The following KATNAL2 variants were observed in gnomAD, a reference collection of about 807,000 sequenced individuals.
The protein encoded by KATNAL2 is katanin p60 ATPase-containing subunit A-like 2.
In KATNAL2, 52 loss-of-function variants were observed where a neutral mutation model predicts 76.3. The ratio of observed to expected loss-of-function variants is 0.68; its 90% confidence interval spans 0.55 to 0.86. The LOEUF (loss-of-function observed/expected upper bound fraction) is 0.86, where lower values mean the gene tolerates loss of function less well. KATNAL2 is among the 40% of genes least tolerant of loss of function. KATNAL2 has a pLI of 0.00. For missense variants in KATNAL2, 660 were observed against 668.9 expected (o/e 0.99, Z 0.15); for synonymous variants, 243 against 244.2 (o/e 1.00, Z 0.05).
chr18:47,036,167 A>G (rs1408371170), intron 3 of KATNAL2, among the ~76,000 whole-genome samples: 2 of 152,192 alleles, frequency 1.3e-5, no homozygotes, highest in African/African-American at 2.4e-5. Flanking sequence ...GGAAATAAAT[A>G]GAAGTCAGCA....
intron 3 of KATNAL2, among the ~76,000 whole-genome samples, chr18:46,961,829 C>A (rs921168798): frequency 1.3e-5 from 2 of 152,120 alleles, no homozygotes; most frequent in African/African-American, 2.4e-5. Context: ...GTAAAAAAGT[C>A]AAAACACTGC....
In KATNAL2 at chr18:47,052,927, T is replaced by TA. The variant is rs1476636811; in HGVS notation, c.171dup (p.Arg58ThrfsTer4). The TA allele has an allele frequency of 3.9e-5, 63 of 1,612,528 alleles. No individual in the cohort carries two copies. Among genetic ancestry groups the TA allele is most frequent in the Non-Finnish European group, 5.3e-5 (63 of 1,179,414 alleles). ...TTGGAGCAAGAAACTAAACTGGGGT[T>TA]ACGACGGTTTGAAGTTTGTGACAAC... On this transcript the variant is annotated frameshift_variant, in exon 5 of 18. Coordinates refer to ENST00000683218, the MANE Select transcript of KATNAL2 (RefSeq NM_001387690.1). LOFTEE classifies it high-confidence loss of function.
rs576665413 is a variant in KATNAL2 at position 47,100,148 on chromosome 18, A to T, written c.1375-106A>T. 40 of 727,832 alleles carry T rather than the reference A, an allele frequency of 5.5e-5. No homozygotes were observed. The East Asian group carries it at 8.9e-4, about 16-fold the overall frequency. The allele number at this position is 727,832 out of a possible 1,614,324, so 45.1% of individuals were successfully genotyped here. On this transcript the variant is annotated intron_variant, in intron 16 of 17. Transcript: ENST00000683218. ...TTTTTAGGATGTTCATGGGTGACAG[A>T]TACAGAATCTACACAGGGCTTCTGA...
intron 15 of KATNAL2, among the ~76,000 whole-genome samples, chr18:47,082,919 TTAACA>T (rs1481500282): frequency 1.3e-5 from 2 of 152,208 alleles, no homozygotes; most frequent in Non-Finnish European, 2.9e-5. Context: ...CTTTCATTAC[TTAACA>T]TGACAGCAAG....
chr18:47,084,582 C>T (rs1239284403), intron 15 of KATNAL2: 23 of 584,498 alleles, frequency 3.9e-5, no homozygotes, highest in Non-Finnish European at 1.2e-5. Context: ...GGTGCAGTGG[C>T]TCATGCCTGT....
At chr18:46,951,005 G>C (rs548645505) in intron 3 of KATNAL2, among the ~76,000 whole-genome samples, 1 of 152,176 alleles carries the variant, frequency 6.6e-6, no homozygotes, top group African/African-American at 2.4e-5. Flanking sequence ...CCTGAAGCTT[G>C]ATTTTTCATT....
At position 46,917,615 on chromosome 18, in the gene KATNAL2, A is replaced by G; in HGVS notation, c.-821A>G. 2.1e-6 allele frequency: 2 copies of G among 963,072 alleles called. No homozygotes were observed. Among genetic ancestry groups the G allele is most frequent in the African/African-American group, 1.8e-5 (1 of 56,714 alleles). 59.7% of individuals were successfully genotyped at this position (963,072 alleles called of 1,614,324 possible). On this transcript the variant is annotated 5_prime_UTR_variant, in exon 1 of 18. Transcript: ENST00000683218. ...GCCCGCGCCTTCAGTCCGCGCGGCG[A>G]CAGCGCCCGCCCGCGCCTGCCCCGG...
intron 15 of KATNAL2, among the ~76,000 whole-genome samples, chr18:47,090,450 T>A (rs746645473): frequency 6.6e-6 from 1 of 152,130 alleles, no homozygotes; most frequent in Non-Finnish European, 1.5e-5. Context: ...TTATTCTGCA[T>A]GATGGAGGGA....
intron 3 of KATNAL2, among the ~76,000 whole-genome samples, chr18:46,952,136 T>C (rs72919226): frequency 0.011 from 1,684 of 151,724 alleles, 18 homozygotes; most frequent in Non-Finnish European, 0.017. Flanking sequence ...TGCATTGGCA[T>C]GATTTAGCTC....
At chr18:47,034,175 G>A in intron 3 of KATNAL2, 1 of 1,614,196 alleles carries the variant, frequency 6.2e-7, no homozygotes, top group South Asian at 1.1e-5. Flanking sequence ...ACCTCAGAGA[G>A]GGAGCTCACG....
chr18:46,955,811 C>T (rs893450466), intron 3 of KATNAL2, among the ~76,000 whole-genome samples: 11 of 152,216 alleles, frequency 7.2e-5, no homozygotes. Context: ...CTTCAGCCTT[C>T]CACAGTGCTG....
chr18:46,929,291 G>A (rs924708571), intron 1 of KATNAL2, among the ~76,000 whole-genome samples: 2 of 151,810 alleles, frequency 1.3e-5, no homozygotes, highest in African/African-American at 4.8e-5. Context: ...TGCCCAGGCT[G>A]GAGTGCAATG....
At chr18:47,040,799 TGTGACCAAAATG>T (rs1322180234) in intron 3 of KATNAL2, among the ~76,000 whole-genome samples, 1 of 152,186 alleles carries the variant, frequency 6.6e-6, no homozygotes, top group African/African-American at 2.4e-5. Flanking sequence ...TAAAAAAGAA[TGTGACCAAAATG>T]TGTTTTTTTC....
At chr18:46,942,230 T>A (rs1159332679) in intron 1 of KATNAL2, among the ~76,000 whole-genome samples, 1 of 152,238 alleles carries the variant, frequency 6.6e-6, no homozygotes, top group Non-Finnish European at 1.5e-5. Context: ...TTTCACCTTG[T>A]ATAGTTTCTG....
At chr18:47,071,974 T>C (rs1247983523) in intron 13 of KATNAL2, among the ~76,000 whole-genome samples, 4 of 120,004 alleles carry the variant, frequency 3.3e-5, no homozygotes, top group Non-Finnish European at 6.8e-5. Context: ...TTTTTTTTTT[T>C]TTTTTTTTTT....
chr18:47,052,915 C>G lies in KATNAL2; in HGVS notation c.158C>G (p.Thr53Ser), dbSNP rs1460264652. 3.1e-6 allele frequency: 5 copies of G among 1,611,446 alleles called. No homozygotes were observed. The highest frequency in any genetic ancestry group is 2.7e-5 in the African/African-American group (2 of 74,846). ...IDTANALEQE[T>S]KLGLRRFEVC... ...ACAGCAAATGCTTTGGAGCAAGAAACTAAACTGGGGTTACGACGGTTTGAA... is the reference window on the plus strand; with the variant it reads ...ACAGCAAATGCTTTGGAGCAAGAAAGTAAACTGGGGTTACGACGGTTTGAA... Residue 53 changes from threonine (T) to serine (S), a missense_variant, in exon 5 of 18, where the codon ACT becomes AGT. By Grantham distance (58) the Thr-to-Ser change is moderately conservative. Coordinates refer to ENST00000683218, the MANE Select transcript of KATNAL2 (RefSeq NM_001387690.1).
At chr18:47,084,566 G>A in intron 15 of KATNAL2, 1 of 594,298 alleles carries the variant, frequency 1.7e-6, no homozygotes, top group Non-Finnish European at 3.0e-6. Flanking sequence ...ATACGACTGT[G>A]GGCCAGGTGC....
chr18:47,099,546 C>T, intron 16 of KATNAL2, 141 bp downstream of exon 16: 1 of 721,168 alleles, frequency 1.4e-6, no homozygotes, highest in Non-Finnish European at 2.2e-6. Context: ...CAATGGGCAT[C>T]TTCACGAAGA....
rs144861136 is a variant in KATNAL2, at chr18:46,955,860, T to C, written c.51+8937T>C. ...GAGCCACCTTGCCTGGTTTGGGTCA[T>C]AGATTTTTTATTCCTTTATCATCAT... On this transcript the variant is annotated intron_variant, in intron 3 of 17. Transcript: ENST00000683218. Among the ~76,000 whole-genome samples, 237 of 152,296 alleles carry C rather than the reference T, an allele frequency of 1.6e-3. 1 individual carries two copies. The highest frequency in any genetic ancestry group is 5.5e-3 in the African/African-American group (228 of 41,558).
Sources: gnomAD v4.1 joint callset for allele counts (sites outside exome capture counted in the v4.1 genomes callset) on GRCh38, gnomAD v4.1.1 for gene constraint, MANE v1.5 for transcripts, NCBI Gene and HGNC (gene_info 2026-07-23, HGNC 2026-07-21) for gene names.